TFAP2B: variants seen among roughly 807,000 people sequenced by gnomAD.
TFAP2B encodes the protein transcription factor AP-2-beta.
A neutral mutation model predicts 44.3 loss-of-function variants in TFAP2B; 9 were observed. The ratio of observed to expected loss-of-function variants is 0.20; its 90% CI spans 0.12 to 0.35. The LOEUF is 0.35. Ranked by LOEUF, TFAP2B falls within the 10% of genes least tolerant of loss-of-function variation. The pLI is 1.00. For missense variants in TFAP2B, 509 were observed against 600.0 expected, an observed-to-expected ratio of 0.85 and a Z score of 1.59; for synonymous variants, 270 against 263.8, an observed-to-expected ratio of 1.02 and a Z score of -0.23.
Position 50,844,246 on chromosome 6 carries a change from A to T in TFAP2B, c.*854A>T, listed in dbSNP as rs1762794820. 6.6e-6 allele frequency: 1 copy of T among 152,028 alleles called. No individual in the cohort carries two copies. The highest frequency in any genetic ancestry group is 2.4e-5 in the African/African-American group (1 of 41,362). The allele number at this position is 152,028 out of a possible 1,614,324, so 9.4% of individuals were successfully genotyped here. On this transcript the variant is annotated 3_prime_UTR_variant, in exon 7 of 7. Transcript: ENST00000393655. ...CCAGCATCTGCATAGAGAGAATCTC[A>T]CATTTATTATATTTGTGTCATCTAC...
chr6:50,832,656 G>A (rs529476124), intron 3 of TFAP2B, among the ~76,000 whole-genome samples: 9 of 152,254 alleles, frequency 5.9e-5, no homozygotes, highest in African/African-American at 2.2e-4. Flanking sequence ...AGTGCCTTTC[G>A]AAGGTACTTA....
chr6:50,838,399 T>C (rs1227583511), intron 5 of TFAP2B, among the ~76,000 whole-genome samples: 1 of 152,222 alleles, frequency 6.6e-6, no homozygotes, highest in Non-Finnish European at 1.5e-5. Context: ...ATGTGAACTC[T>C]TGCAAGAGTA....
intron 2 of TFAP2B, 88 bp from the exon 3 acceptor site, chr6:50,828,531 C>T (rs1770587712): frequency 8.6e-7 from 1 of 1,159,136 alleles, no homozygotes; most frequent in African/African-American, 1.5e-5. Context: ...ATGGAAATAA[C>T]AGAAACTCCA....
intron 2 of TFAP2B, among the ~76,000 whole-genome samples, chr6:50,826,201 G>T (rs1257925400): frequency 6.6e-6 from 1 of 151,976 alleles, no homozygotes; most frequent in African/African-American, 2.4e-5. Context: ...GGCCTGCACT[G>T]GTCCAGTCTT....
chr6:50,818,855 G>A (rs545478132), upstream of TFAP2B: 6 of 1,592,276 alleles, frequency 3.8e-6, no homozygotes, highest in South Asian at 4.4e-5. Flanking sequence ...TACAGACAGC[G>A]GAGTCCTGAG....
At chr6:50,826,584 C>CGCGT (rs1554163587) in intron 2 of TFAP2B, among the ~76,000 whole-genome samples, 2 of 145,776 alleles carry the variant, frequency 1.4e-5, no homozygotes, top group African/African-American at 5.2e-5. Flanking sequence ...CGCGCGCGCG[C>CGCGT]GCGTGTGTGT....
chr6:50,830,002 C>T (rs1441514326), intron 3 of TFAP2B, among the ~76,000 whole-genome samples: 1 of 152,052 alleles, frequency 6.6e-6, no homozygotes, highest in Non-Finnish European at 1.5e-5. Flanking sequence ...CTTTTAATGC[C>T]AGCTTTTGGG....
At chr6:50,828,488 A>C in intron 2 of TFAP2B, 131 bp from the exon 3 acceptor site, 1 of 729,494 alleles carries the variant, frequency 1.4e-6, no homozygotes. Context: ...AGGTAATAAT[A>C]ATAATAAAAC....
At chr6:50,832,398 T>C (rs1229463238) in intron 3 of TFAP2B, among the ~76,000 whole-genome samples, 1 of 152,218 alleles carries the variant, frequency 6.6e-6, no homozygotes, top group African/African-American at 2.4e-5. Flanking sequence ...TACTGGATGT[T>C]TGAGTTTTTT....
chr6:50,829,023 A>G (rs1051413885), intron 3 of TFAP2B, among the ~76,000 whole-genome samples: 6 of 152,244 alleles, frequency 3.9e-5, no homozygotes, highest in African/African-American at 1.4e-4. Context: ...TGCTACAATT[A>G]TTTCAATGAT....
chr6:50,843,048 C>A, intron 6 of TFAP2B, 44 bp from the exon 7 acceptor site: 5 of 1,612,680 alleles, frequency 3.1e-6, no homozygotes, highest in Non-Finnish European at 4.2e-6. Context: ...CCAATGACAA[C>A]GACACTGAGG....
chr6:50,842,007 T>C (rs2207136), intron 6 of TFAP2B, among the ~76,000 whole-genome samples: 52,398 of 152,192 alleles, frequency 0.34, 10,513 homozygotes, highest in East Asian at 0.51. Flanking sequence ...TCACCTGCCC[T>C]GTTTACCTGT....
intron 2 of TFAP2B, 117 bp from the exon 3 acceptor site, chr6:50,828,502 C>T (rs1672828624): frequency 1.2e-6 from 1 of 810,542 alleles, no homozygotes; most frequent in Non-Finnish European, 2.0e-6. Context: ...ATAAAACAGC[C>T]CTTTGTGAAT....
chr6:50,832,563 G>C (rs926674972), intron 3 of TFAP2B, among the ~76,000 whole-genome samples: 2 of 152,154 alleles, frequency 1.3e-5, no homozygotes, highest in African/African-American at 4.8e-5. Context: ...GTGAGAAAAA[G>C]AGTGCTAACT....
intron 1 of TFAP2B, among the ~76,000 whole-genome samples, chr6:50,820,205 C>T (rs919971939): frequency 1.3e-5 from 2 of 152,210 alleles, no homozygotes; most frequent in African/African-American, 2.4e-5. Flanking sequence ...TGGAGGGATG[C>T]AGAGGCTCCC....
Position 50,843,258 on chromosome 6 carries a change from C to T in TFAP2B, c.1249C>T (p.Leu417=). Reference sequence around the variant, plus strand: ...GGCCATTTGCGCCGCGCTCACGGCCCTGCAGAACTATCTCACCGAGGCGCT... The same window carrying T: ...GGCCATTTGCGCCGCGCTCACGGCCTTGCAGAACTATCTCACCGAGGCGCT... The part of the protein sequence containing the change: ...APAICAALTA[L]QNYLTEALKG... Residue 417 remains leucine (L), a synonymous_variant, in exon 7 of 7, where the codon CTG becomes TTG. Coordinates refer to ENST00000393655, the MANE Select transcript of TFAP2B (RefSeq NM_003221.4). 1.2e-6 allele frequency: 2 copies of T among 1,614,210 alleles called. No individual in the cohort carries two copies. The highest frequency in any genetic ancestry group is 1.7e-6 in the Non-Finnish European group (2 of 1,180,050).
At position 50,845,533 on chromosome 6, in the gene TFAP2B, G is replaced by A. The variant is rs1040473637; in HGVS notation, c.*2141G>A. The stretch of plus-strand genomic sequence containing the variant: ...GGCCCAGCCCTAGAACTGTTGAGAG[G>A]AATGCAATGGCCAAGAGCTAGACGT... On this transcript the variant is annotated 3_prime_UTR_variant, in exon 7 of 7. Coordinates refer to ENST00000393655, the MANE Select transcript of TFAP2B (RefSeq NM_003221.4). The A allele has an allele frequency of 6.6e-6, 1 of 152,618 alleles. No homozygotes were observed. The highest frequency in any genetic ancestry group is 1.5e-5 in the Non-Finnish European group (1 of 68,110). 9.5% of individuals were successfully genotyped at this position (152,618 alleles called of 1,614,324 possible).
chr6:50,819,708 G>A (rs1770269170), intron 1 of TFAP2B, among the ~76,000 whole-genome samples: 1 of 152,228 alleles, frequency 6.6e-6, no homozygotes, highest in African/African-American at 2.4e-5. Flanking sequence ...CGCCCAGCCA[G>A]GAGGACGCCA....
At chr6:50,839,349 T>A (rs893235311) in intron 5 of TFAP2B, among the ~76,000 whole-genome samples, 6 of 152,204 alleles carry the variant, frequency 3.9e-5, no homozygotes, top group Non-Finnish European at 1.5e-5. Context: ...TAAAAGTAAG[T>A]CATCCTCCTT....
Sources: allele counts gnomAD v4.1 joint callset (sites outside exome capture counted in the v4.1 genomes callset), GRCh38; gene constraint gnomAD v4.1.1; transcripts MANE v1.5; gene names NCBI Gene and HGNC (gene_info 2026-07-23, HGNC 2026-07-21).